The following ALK variants were observed in gnomAD, a reference collection of about 807,000 sequenced individuals.
ALK encodes ALK receptor tyrosine kinase, also known as ALK tyrosine kinase receptor.
ALK carries 74 observed loss-of-function variants against 163.1 expected under a neutral mutation model. The ratio of observed to expected loss-of-function variants is 0.45; its 90% confidence interval spans 0.38 to 0.55. ALK has a LOEUF of 0.55. ALK is among the 20% of genes least tolerant of loss of function. The pLI, the probability that ALK is intolerant of heterozygous loss-of-function variation, is 0.00. For missense variants in ALK, 2,063 were observed against 2,105.3 expected (o/e 0.98, Z 0.39); for synonymous variants, 960 against 843.2 (o/e 1.14, Z -2.40).
intron 3 of ALK, among the ~76,000 whole-genome samples, chr2:29,662,307 T>C (rs1318481665): frequency 6.6e-6 from 1 of 152,156 alleles, no homozygotes; most frequent in Non-Finnish European, 1.5e-5. Flanking sequence ...AACCTCCAAT[T>C]CTGCACCTTG....
chr2:29,920,001 A>G lies in ALK; in HGVS notation c.659T>C (p.Phe220Ser). The change falls in exon 1 of 29, where the codon TTC (phenylalanine) becomes TCC (serine). Residue 220 changes from phenylalanine (F) to serine (S), a missense_variant. This residue lies in a region of ALK where 987 missense variants were observed against 939.5 expected (regional missense o/e 1.05). Transcript: ENST00000389048. ...AGGCGGGAGCTGCTCACCAGTCCCG[A>G]AGATCTGGAAGAGAAGGCGGGGCTG... ...ASQPRLLFQIFGTGHSSLESP... is the reference protein window; with the variant it reads ...ASQPRLLFQISGTGHSSLESP... 1 of 1,613,770 alleles carries G rather than the reference A, an allele frequency of 6.2e-7. No individual in the cohort carries two copies. The highest frequency in any genetic ancestry group is 1.3e-5 in the African/African-American group (1 of 75,066).
At chr2:29,281,117 C>A (rs1466964247) in intron 9 of ALK, among the ~76,000 whole-genome samples, 2 of 152,152 alleles carry the variant, frequency 1.3e-5, no homozygotes, top group African/African-American at 4.8e-5. Flanking sequence ...AAAGTTCTGG[C>A]ATGTAGACCA....
intron 1 of ALK, among the ~76,000 whole-genome samples, chr2:29,875,311 A>C (rs1396822613): frequency 1.3e-5 from 2 of 152,326 alleles, no homozygotes; most frequent in Non-Finnish European, 2.9e-5. Context: ...GATGATGAAC[A>C]AGTTCTAGAA....
intron 3 of ALK, among the ~76,000 whole-genome samples, chr2:29,619,825 G>A (rs568285247): frequency 1.3e-5 from 2 of 152,226 alleles, no homozygotes; most frequent in African/African-American, 2.4e-5. Context: ...CCCTGCTGCT[G>A]CCTTCTGACA....
At chr2:29,692,634 A>G (rs1678434688) in intron 3 of ALK, among the ~76,000 whole-genome samples, 2 of 152,348 alleles carry the variant, frequency 1.3e-5, no homozygotes, top group South Asian at 2.1e-4. Context: ...ATCTGACAGG[A>G]GGCGGAGCTC....
rs544057861 is a variant in ALK, at chr2:29,333,646, G to T, written c.1283-5165C>A. Among the ~76,000 whole-genome samples, 12 of 152,216 alleles carry T rather than the reference G, an allele frequency of 7.9e-5. No homozygotes were observed. In the South Asian group the frequency reaches 2.5e-3, roughly 32 times the overall value. ...GGCATTTTAAATTTTCTGAGACAGG[G>T]TCTCTGTCACCTAGGTTGGAGCGTC... On this transcript the variant is annotated intron_variant, in intron 5 of 28. Transcript: ENST00000389048.
At chr2:29,435,971 C>A (rs1221689458) in intron 4 of ALK, among the ~76,000 whole-genome samples, 1 of 152,058 alleles carries the variant, frequency 6.6e-6, no homozygotes, top group East Asian at 1.9e-4. Context: ...ATCTGGAGAA[C>A]TTTTCCTGGA....
rs1174482842 is a variant in ALK, at chr2:29,594,902, G to A, written c.953-62786C>T. ...ATTTTTCTAAACAAAAATGGGGGGT[G>A]GGGGGCGGGGGGCAAAGAAGGTTGA... On this transcript the variant is annotated intron_variant, in intron 3 of 28. Transcript: ENST00000389048. Among the ~76,000 whole-genome samples the A allele has an allele frequency of 8.3e-5, 2 of 24,146 alleles. 1 individual carries two copies. Among genetic ancestry groups the A allele is most frequent in the East Asian group, 1.9e-3 (2 of 1,054 alleles). 15.8% of individuals were successfully genotyped at this position (24,146 alleles called of 152,430 possible).
intron 26 of ALK, among the ~76,000 whole-genome samples, chr2:29,206,372 A>G (rs968126426): frequency 4.6e-5 from 7 of 151,388 alleles, no homozygotes; most frequent in Admixed American, 1.3e-4. Flanking sequence ...CCTGGGCTCT[A>G]GTGAACCTCC....
chr2:29,217,359 GGT>G (rs1408912502), intron 23 of ALK, among the ~76,000 whole-genome samples: 1 of 149,678 alleles, frequency 6.7e-6, no homozygotes, highest in African/African-American at 2.5e-5. Flanking sequence ...GTGCGTGTGT[GGT>G]GTGTGTCTGG....
At chr2:29,740,444 GGACA>G (rs1468581053) in intron 1 of ALK, among the ~76,000 whole-genome samples, 1 of 150,928 alleles carries the variant, frequency 6.6e-6, no homozygotes, top group African/African-American at 2.5e-5. Flanking sequence ...TTAGACAAAG[GGACA>G]GACAGACAGA....
chr2:29,233,792 C>G (rs769557726), intron 13 of ALK, 96 bp from the exon 14 acceptor site: 11 of 1,548,078 alleles, frequency 7.1e-6, no homozygotes, highest in South Asian at 1.1e-5. Context: ...GGATCTGACT[C>G]TCTCTCAAAA....
At chr2:29,300,038 G>A (rs534959714) in intron 8 of ALK, among the ~76,000 whole-genome samples, 1 of 152,304 alleles carries the variant, frequency 6.6e-6, no homozygotes, top group East Asian at 1.9e-4. Flanking sequence ...AAGGCAAGGT[G>A]GCAGCATCGG....
rs1028949894 is a variant in ALK at position 29,277,423 on chromosome 2, G to A, written c.1818-1927C>T. Among the ~76,000 whole-genome samples the A allele has an allele frequency of 3.3e-5, 5 of 152,294 alleles. No homozygotes were observed. The South Asian group carries it at 6.2e-4, about 19-fold the overall frequency. ...GCCTTGAATCCCAAAACTTTTATCC[G>A]AATAACTGTGATCGATTATGCTTAA... On this transcript the variant is annotated intron_variant, in intron 9 of 28. Coordinates refer to ENST00000389048, the MANE Select transcript of ALK (RefSeq NM_004304.5).
chr2:29,559,712 G>C (rs1401737516), intron 3 of ALK, among the ~76,000 whole-genome samples: 3 of 151,982 alleles, frequency 2.0e-5, no homozygotes, highest in Non-Finnish European at 2.9e-5. Flanking sequence ...AGAGTAATGA[G>C]GGTGGAGCTG....
chr2:29,814,037 G>A (rs1193304659), intron 1 of ALK, among the ~76,000 whole-genome samples: 2 of 152,164 alleles, frequency 1.3e-5, no homozygotes, highest in Non-Finnish European at 2.9e-5. Context: ...AGTGGTACAA[G>A]GAATAAAGAA....
chr2:29,561,460 C>T (rs1323336831), intron 3 of ALK, among the ~76,000 whole-genome samples: 2 of 152,166 alleles, frequency 1.3e-5, no homozygotes, highest in African/African-American at 4.8e-5. Context: ...AAGCTGCTGG[C>T]CTTTTGCAAG....
At chr2:29,517,960 C>T (rs999032981) in intron 4 of ALK, among the ~76,000 whole-genome samples, 2 of 152,166 alleles carry the variant, frequency 1.3e-5, no homozygotes, top group African/African-American at 2.4e-5. Context: ...AGTCAAACTC[C>T]GTTTGTAAAT....
intron 1 of ALK, among the ~76,000 whole-genome samples, chr2:29,729,450 T>C (rs949894461): frequency 6.6e-6 from 1 of 151,584 alleles, no homozygotes; most frequent in Non-Finnish European, 1.5e-5. Flanking sequence ...AGAGAAATCA[T>C]CTGACATTTT....
Sources: allele counts gnomAD v4.1 joint callset (sites outside exome capture counted in the v4.1 genomes callset), GRCh38; gene constraint gnomAD v4.1.1; regional missense constraint gnomAD v4.1.1; transcripts MANE v1.5; gene names NCBI Gene and HGNC (gene_info 2026-07-23, HGNC 2026-07-21).